Variants in XKR6 observed in about 807,000 individuals in gnomAD.
XKR6 encodes XK-related protein 6.
A neutral mutation model predicts 56.7 loss-of-function variants in XKR6; 22 were observed. The observed-to-expected ratio is 0.39, with a 90% CI of 0.28 to 0.55. XKR6 has a LOEUF of 0.55. Ranked by LOEUF, XKR6 falls within the 20% of genes least tolerant of loss-of-function variation. The pLI is 0.66. For missense variants in XKR6, 852 were observed against 889.0 expected (o/e 0.96, Z 0.53); for synonymous variants, 524 against 387.8 (o/e 1.35, Z -4.13).
chr8:11,176,033 C>G (rs1428055516), intron 1 of XKR6, among the ~76,000 whole-genome samples: 1 of 152,186 alleles, frequency 6.6e-6, no homozygotes, highest in Non-Finnish European at 1.5e-5. Context: ...ATACACTACT[C>G]TGTGGGTGTA....
At chr8:10,919,588 C>G (rs1301815160) in intron 2 of XKR6, among the ~76,000 whole-genome samples, 1 of 152,160 alleles carries the variant, frequency 6.6e-6, no homozygotes, top group Non-Finnish European at 1.5e-5. Flanking sequence ...CTCATTAGAC[C>G]TTTGCAACAA....
chr8:11,160,770 T>C (rs912092334), intron 1 of XKR6, among the ~76,000 whole-genome samples: 1 of 151,828 alleles, frequency 6.6e-6, no homozygotes. Context: ...TAGCTGGGTA[T>C]GGTGGCACTT....
intron 1 of XKR6, among the ~76,000 whole-genome samples, chr8:11,175,835 C>T (rs1447784603): frequency 6.6e-6 from 1 of 152,192 alleles, no homozygotes. Flanking sequence ...CGTCAACAGT[C>T]CCCAAGGTGC....
intron 1 of XKR6, among the ~76,000 whole-genome samples, chr8:11,075,070 G>A (rs990372861): frequency 6.6e-6 from 1 of 152,192 alleles, no homozygotes; most frequent in African/African-American, 2.4e-5. Context: ...TGGGGCACTA[G>A]TACAGGTGGG....
At chr8:10,969,946 G>A (rs1030217705) in intron 1 of XKR6, among the ~76,000 whole-genome samples, 2 of 152,166 alleles carry the variant, frequency 1.3e-5, no homozygotes, top group African/African-American at 4.8e-5. Context: ...TCCCATGTGG[G>A]GTCTCTACCG....
chr8:10,998,236 A>C (rs1323672003), intron 1 of XKR6, among the ~76,000 whole-genome samples: 1 of 151,924 alleles, frequency 6.6e-6, no homozygotes, highest in Non-Finnish European at 1.5e-5. Context: ...GCTCCCCAAC[A>C]ATATAAGGAG....
At chr8:11,197,667 A>G (rs1052298675) in intron 1 of XKR6, among the ~76,000 whole-genome samples, 12 of 152,238 alleles carry the variant, frequency 7.9e-5, no homozygotes, top group African/African-American at 2.9e-4. Flanking sequence ...AGTGCTCTGC[A>G]AAGCAGGTTC....
At chr8:11,090,347 C>A (rs1204907845) in intron 1 of XKR6, among the ~76,000 whole-genome samples, 1 of 152,082 alleles carries the variant, frequency 6.6e-6, no homozygotes, top group Non-Finnish European at 1.5e-5. Context: ...CTCAGCCTCC[C>A]AAAGTGTTGG....
chr8:10,984,126 G>A (rs1448342906), intron 1 of XKR6, among the ~76,000 whole-genome samples: 1 of 151,964 alleles, frequency 6.6e-6, no homozygotes, highest in Non-Finnish European at 1.5e-5. Flanking sequence ...AGACAAACGA[G>A]GCATGTATTG....
At chr8:11,060,354 C>A (rs143429973) in intron 1 of XKR6, among the ~76,000 whole-genome samples, 1 of 152,184 alleles carries the variant, frequency 6.6e-6, no homozygotes, top group Non-Finnish European at 1.5e-5. Context: ...CAGGCCTCCC[C>A]GCATCCAGCC....
intron 1 of XKR6, among the ~76,000 whole-genome samples, chr8:11,025,327 G>A (rs1013273399): frequency 5.3e-5 from 8 of 152,146 alleles, no homozygotes; most frequent in Admixed American, 5.2e-4. Flanking sequence ...TCTGACTTTA[G>A]AGCCTTTTCT....
At chr8:10,927,706 C>T (rs1800933892) in intron 1 of XKR6, among the ~76,000 whole-genome samples, 1 of 152,138 alleles carries the variant, frequency 6.6e-6, no homozygotes, top group African/African-American at 2.4e-5. Flanking sequence ...GCCCAGAATA[C>T]ACCAATTCAA....
intron 1 of XKR6, among the ~76,000 whole-genome samples, chr8:11,156,517 T>C (rs1050396514): frequency 2.0e-5 from 3 of 152,206 alleles, no homozygotes; most frequent in African/African-American, 7.2e-5. Context: ...AGGCAGTATT[T>C]TGTGTATCTT....
chr8:10,983,736 A>C (rs1428637217), intron 1 of XKR6, among the ~76,000 whole-genome samples: 1 of 152,008 alleles, frequency 6.6e-6, no homozygotes, highest in Non-Finnish European at 1.5e-5. Flanking sequence ...GCTCACTGCA[A>C]GCTCCGCCTC....
At chr8:11,134,461 C>T (rs370898314) in intron 1 of XKR6, among the ~76,000 whole-genome samples, 16 of 152,154 alleles carry the variant, frequency 1.1e-4, no homozygotes, top group African/African-American at 3.6e-4. Context: ...AGTGGAAACA[C>T]TGCACAAGTT....
chr8:10,971,305 C>A (rs903159540), intron 1 of XKR6, among the ~76,000 whole-genome samples: 1 of 151,716 alleles, frequency 6.6e-6, no homozygotes, highest in Non-Finnish European at 1.5e-5. Context: ...CCTGTAGTCC[C>A]GGCTACTCGG....
intron 1 of XKR6, among the ~76,000 whole-genome samples, chr8:11,186,049 A>AT (rs1803254681): frequency 6.6e-6 from 1 of 152,238 alleles, no homozygotes; most frequent in Non-Finnish European, 1.5e-5. Flanking sequence ...ACATCTTAAA[A>AT]TACTTCTTTA....
At chr8:11,177,264 C>T (rs1164472563) in intron 1 of XKR6, among the ~76,000 whole-genome samples, 1 of 152,162 alleles carries the variant, frequency 6.6e-6, no homozygotes, top group Non-Finnish European at 1.5e-5. Flanking sequence ...TGTAGATTTG[C>T]CAACATTATG....
chr8:11,182,292 T>C (rs963602754), intron 1 of XKR6, among the ~76,000 whole-genome samples: 1 of 152,168 alleles, frequency 6.6e-6, no homozygotes, highest in East Asian at 1.9e-4. Flanking sequence ...TCTTCTGACT[T>C]AAAATACCAC....
Sources: gnomAD v4.1 joint callset for allele counts (sites outside exome capture counted in the v4.1 genomes callset) on GRCh38, gnomAD v4.1.1 for gene constraint, MANE v1.5 for transcripts, NCBI Gene and HGNC (gene_info 2026-07-23, HGNC 2026-07-21) for gene names.